MYOM2: variants seen among roughly 807,000 people sequenced by gnomAD.
MYOM2 encodes the protein myomesin-2.
A neutral mutation model predicts 187.6 loss-of-function variants in MYOM2; 254 were observed. That is an observed-to-expected ratio of 1.35 (90% CI 1.22 to 1.50). The LOEUF (loss-of-function observed/expected upper bound fraction) is 1.50. MYOM2 is among the 40% of genes most tolerant of loss of function. The pLI, the probability that MYOM2 is intolerant of heterozygous loss-of-function variation, is 0.00. For missense variants in MYOM2, 2,796 were observed against 1,924.0 expected (o/e 1.45, Z -8.48); for synonymous variants, 981 against 753.8 (o/e 1.30, Z -4.94).
At chr8:2,137,929 G>A (rs1351630322) in intron 32 of MYOM2, among the ~76,000 whole-genome samples, 1 of 152,182 alleles carries the variant, frequency 6.6e-6, no homozygotes, top group Non-Finnish European at 1.5e-5. Context: ...GCTTCTTGCT[G>A]CTCCTCACAC....
chr8:2,132,749 T>A (rs73657738), intron 32 of MYOM2, among the ~76,000 whole-genome samples: 21,098 of 152,022 alleles, frequency 0.14, 2,593 homozygotes, highest in African/African-American at 0.31. Flanking sequence ...TACAAAGAAG[T>A]GCATGCTTCA....
intron 13 of MYOM2, among the ~76,000 whole-genome samples, chr8:2,084,262 A>T (rs1434453114): frequency 6.6e-6 from 1 of 152,086 alleles, no homozygotes; most frequent in Non-Finnish European, 1.5e-5. Flanking sequence ...GAAATTCAGC[A>T]CCTTACCAGA....
Position 2,117,969 on chromosome 8 carries a change from T to C in MYOM2, c.3453+17T>C. 1 of 1,608,670 alleles carries C rather than the reference T, an allele frequency of 6.2e-7. No homozygotes were observed. On this transcript the variant is annotated intron_variant, in intron 28 of 36. Coordinates refer to ENST00000262113, the MANE Select transcript of MYOM2 (RefSeq NM_003970.4). ...GTTTGCAAGGTGAGAAACCCGGTTCTAACAGGAAAACAATAAATCTCATTC... is the reference window on the plus strand; with the variant it reads ...GTTTGCAAGGTGAGAAACCCGGTTCCAACAGGAAAACAATAAATCTCATTC...
chr8:2,138,452 A>T (rs1798158497), intron 32 of MYOM2, among the ~76,000 whole-genome samples: 1 of 152,208 alleles, frequency 6.6e-6, no homozygotes, highest in Non-Finnish European at 1.5e-5. Context: ...GGACTGAGAG[A>T]TTCCTGAAGG....
At chr8:2,104,653 C>T (rs544060676) in intron 21 of MYOM2, among the ~76,000 whole-genome samples, 4 of 151,726 alleles carry the variant, frequency 2.6e-5, no homozygotes, top group Admixed American at 6.6e-5. Context: ...ATTCTGGAGG[C>T]GGGAAGTCTA....
chr8:2,045,055 C>T lies in MYOM2; in HGVS notation c.-126C>T, dbSNP rs1196167160. Reference sequence around the variant, plus strand: ...TCAGACCTTAAACGGGAGGGAGGCACAGGCGCTTGCTTTGCAGGAGTCAGC... The same window carrying T: ...TCAGACCTTAAACGGGAGGGAGGCATAGGCGCTTGCTTTGCAGGAGTCAGC... On this transcript the variant is annotated 5_prime_UTR_variant, in exon 1 of 37. Transcript: ENST00000262113. 1 of 152,640 alleles carries T rather than the reference C, an allele frequency of 6.6e-6. No homozygotes were observed. Among genetic ancestry groups the T allele is most frequent in the South Asian group, 2.1e-4 (1 of 4,822 alleles). 9.5% of individuals were successfully genotyped at this position (152,640 alleles called of 1,614,324 possible). A position where few individuals can be genotyped will look rare whatever the true frequency, so the allele number is the denominator to read the frequency against.
chr8:2,098,985 T>C lies in MYOM2; in HGVS notation c.2440+2T>C. ...AGGCCTGGACCATGCCGGAGCCCGG[T>C]GAGTCGCTGCCCCCAGGACACCCGC... On this transcript the variant is annotated splice_donor_variant, in intron 19 of 36. Coordinates refer to ENST00000262113, the MANE Select transcript of MYOM2 (RefSeq NM_003970.4). LOFTEE classifies it high-confidence loss of function. 6.2e-7 allele frequency: 1 copy of C among 1,601,180 alleles called. No homozygotes were observed. The highest frequency in any genetic ancestry group is 8.5e-7 in the Non-Finnish European group (1 of 1,170,998).
At chr8:2,054,279 C>T (rs1318461760) in intron 3 of MYOM2, among the ~76,000 whole-genome samples, 2 of 152,150 alleles carry the variant, frequency 1.3e-5, no homozygotes, top group African/African-American at 4.8e-5. Flanking sequence ...GCTCTGAAGG[C>T]ACTCAACACG....
chr8:2,101,030 G>A lies in MYOM2; in HGVS notation c.2595G>A (p.Thr865=), dbSNP rs543634307. The A allele has an allele frequency of 1.3e-5, 21 of 1,614,106 alleles. No individual in the cohort carries two copies. In the African/African-American group the frequency reaches 2.0e-4, roughly 15 times the overall value. ...DAGEWITVNQ[T]TTASRYLKVS... ...GAGAGTGGATCACTGTCAATCAGAC[G>A]ACAACAGCCAGCCGTTATTTAAAGG... The change falls in exon 20 of 37, where the codon ACG becomes ACA. Residue 865 remains threonine (T), a synonymous_variant. Coordinates refer to ENST00000262113, the MANE Select transcript of MYOM2 (RefSeq NM_003970.4).
At chr8:2,063,576 C>T (rs752472012) in intron 6 of MYOM2, among the ~76,000 whole-genome samples, 1 of 152,138 alleles carries the variant, frequency 6.6e-6, no homozygotes, top group Non-Finnish European at 1.5e-5. Context: ...GTGCTCACTC[C>T]CCATTCATTC....
chr8:2,126,435 A>C (rs1015579373), intron 31 of MYOM2, among the ~76,000 whole-genome samples: 1 of 99,168 alleles, frequency 1.0e-5, no homozygotes, highest in Non-Finnish European at 2.1e-5. Flanking sequence ...ATACACACAC[A>C]CTGACACACA....
intron 32 of MYOM2, among the ~76,000 whole-genome samples, chr8:2,133,936 A>G (rs1409118398): frequency 8.5e-6 from 1 of 117,628 alleles, no homozygotes; most frequent in South Asian, 3.1e-4. Flanking sequence ...GTTCCCTTAC[A>G]TCCTCCACCC....
chr8:2,051,840 G>A (rs1818499739), intron 2 of MYOM2, among the ~76,000 whole-genome samples: 1 of 152,234 alleles, frequency 6.6e-6, no homozygotes, highest in Non-Finnish European at 1.5e-5. Flanking sequence ...GTACACTTGT[G>A]TAGGTTTGTT....
chr8:2,065,580 A>G (rs1030096626), intron 6 of MYOM2, among the ~76,000 whole-genome samples: 7 of 152,218 alleles, frequency 4.6e-5, no homozygotes, highest in African/African-American at 1.2e-4. Flanking sequence ...AACAAAAAAG[A>G]GCCTCGGCAA....
At position 2,123,642 on chromosome 8, in the gene MYOM2, G is replaced by C; in HGVS notation, c.3655G>C (p.Val1219Leu). 3 of 1,613,788 alleles carry C rather than the reference G, an allele frequency of 1.9e-6. No homozygotes were observed. Among genetic ancestry groups the C allele is most frequent in the Non-Finnish European group, 2.5e-6 (3 of 1,179,746 alleles). Residue 1219 changes from valine to leucine, a missense_variant and splice_region_variant, in exon 30 of 37, where the codon GTG (valine) becomes CTG (leucine). Physicochemically the swap from Val to Leu is conservative, Grantham distance 32 (BLOSUM62 1). Transcript: ENST00000262113. ...GTCCATCCTTGAAATAGCTGGCAAA[G>C]GTAAAAGAAAACCTCCTTTGTTCTG... is the stretch of plus-strand genomic sequence containing the variant. ...DVSILEIAGKVYDDMILAMSR... is the reference protein window; with the variant it reads ...DVSILEIAGKLYDDMILAMSR...
chr8:2,065,639 T>C (rs1818994823), intron 6 of MYOM2, among the ~76,000 whole-genome samples: 1 of 152,186 alleles, frequency 6.6e-6, no homozygotes, highest in East Asian at 1.9e-4. Context: ...TGCCCAGTGT[T>C]TCTTCTTATT....
chr8:2,089,787 G>GTAAACA (rs1796231703), intron 14 of MYOM2, among the ~76,000 whole-genome samples: 1 of 152,074 alleles, frequency 6.6e-6, no homozygotes. Flanking sequence ...AAATTTATTA[G>GTAAACA]TAAACATGAT....
chr8:2,049,823 A>G (rs1393815759), intron 1 of MYOM2, among the ~76,000 whole-genome samples: 1 of 152,164 alleles, frequency 6.6e-6, no homozygotes, highest in East Asian at 1.9e-4. Context: ...TGTACAGCAG[A>G]TTGCCATGTC....
At chr8:2,113,248 A>T (rs550835002) in intron 25 of MYOM2, among the ~76,000 whole-genome samples, 1 of 152,362 alleles carries the variant, frequency 6.6e-6, no homozygotes, top group Admixed American at 6.5e-5. Context: ...TGCTGCATTT[A>T]GGATGAGTCA....
Sources: gnomAD v4.1 joint callset for allele counts (sites outside exome capture counted in the v4.1 genomes callset) on GRCh38, gnomAD v4.1.1 for gene constraint, MANE v1.5 for transcripts, NCBI Gene and HGNC (gene_info 2026-07-23, HGNC 2026-07-21) for gene names.